The following NPLOC4 variants were observed in gnomAD, a reference collection of about 807,000 sequenced individuals.
NPLOC4 encodes the protein nuclear protein localization protein 4 homolog.
A neutral mutation model predicts 80.6 loss-of-function variants in NPLOC4; 18 were observed. That is an observed-to-expected ratio of 0.22 (90% CI 0.15 to 0.33). NPLOC4 has a LOEUF of 0.33. NPLOC4 is among the 10% of genes least tolerant of loss of function. The pLI, the probability that NPLOC4 is intolerant of heterozygous loss-of-function variation, is 1.00. For synonymous variants in NPLOC4, 313 were observed against 301.5 expected (o/e 1.04, Z -0.39); for missense variants, 540 against 786.1 (o/e 0.69, Z 3.74).
At chr17:81,584,185 A>G (rs1156994892) in intron 12 of NPLOC4, among the ~76,000 whole-genome samples, 1 of 152,194 alleles carries the variant, frequency 6.6e-6, no homozygotes, top group African/African-American at 2.4e-5. Flanking sequence ...GATGACTTCA[A>G]TGTTTGCTTT....
chr17:81,598,647 T>C (rs2034984520), intron 9 of NPLOC4, among the ~76,000 whole-genome samples: 1 of 152,192 alleles, frequency 6.6e-6, no homozygotes, highest in South Asian at 2.1e-4. Context: ...AGTGTAGCAG[T>C]GCCTGTGTGC....
At chr17:81,600,311 C>T (rs759122925) in intron 9 of NPLOC4, 30 bp downstream of exon 9, 140 of 1,556,682 alleles carry the variant, frequency 9.0e-5, no homozygotes, top group Non-Finnish European at 1.1e-4. Flanking sequence ...CTGGCCACGC[C>T]CCCTGCTTGG....
chr17:81,616,513 G>A (rs1272755214), intron 3 of NPLOC4, among the ~76,000 whole-genome samples: 4 of 151,696 alleles, frequency 2.6e-5, no homozygotes, highest in Admixed American at 6.6e-5. Context: ...GGAGGATCAT[G>A]AGGTCAGGAG....
At chr17:81,630,393 TCCTCTGACCTCAG>T (rs1489321546) in intron 1 of NPLOC4, among the ~76,000 whole-genome samples, 7 of 152,018 alleles carry the variant, frequency 4.6e-5, no homozygotes, top group African/African-American at 1.7e-4. Flanking sequence ...GTTCAAGTGA[TCCTCTGACCTCAG>T]CCTCCCGAGA....
At chr17:81,596,975 T>C (rs937643036) in intron 10 of NPLOC4, among the ~76,000 whole-genome samples, 2 of 152,062 alleles carry the variant, frequency 1.3e-5, no homozygotes, top group Admixed American at 6.5e-5. Context: ...TAGCTGGGCA[T>C]GGTGGCAGGC....
At chr17:81,596,276 A>G in intron 10 of NPLOC4, 34 bp from the exon 11 acceptor site, 26 of 1,590,034 alleles carry the variant, frequency 1.6e-5, no homozygotes, top group Non-Finnish European at 2.2e-5. Context: ...CAAATTTTAC[A>G]GCATCATGCC....
At chr17:81,586,090 G>A (rs2144125194) in intron 12 of NPLOC4, among the ~76,000 whole-genome samples, 1 of 152,336 alleles carries the variant, frequency 6.6e-6, no homozygotes, top group Middle Eastern at 3.4e-3. Flanking sequence ...TTCGAGACCA[G>A]CCTGCCCAAC....
At chr17:81,624,042 C>T (rs1337470845) in intron 2 of NPLOC4, among the ~76,000 whole-genome samples, 2 of 151,960 alleles carry the variant, frequency 1.3e-5, no homozygotes, top group African/African-American at 4.8e-5. Flanking sequence ...CCCAGCACTT[C>T]GGGAGGCCAA....
intron 11 of NPLOC4, among the ~76,000 whole-genome samples, chr17:81,593,310 C>T (rs958672842): frequency 1.3e-5 from 2 of 152,084 alleles, no homozygotes; most frequent in Admixed American, 6.6e-5. Flanking sequence ...ATGTTGCTGA[C>T]GGCAAGGCCA....
chr17:81,559,715 G>C (rs562192160), intron 16 of NPLOC4, among the ~76,000 whole-genome samples: 1 of 149,898 alleles, frequency 6.7e-6, no homozygotes, highest in African/African-American at 2.5e-5. Flanking sequence ...TGTGCATTTG[G>C]GTTGTTTCCA....
intron 3 of NPLOC4, among the ~76,000 whole-genome samples, chr17:81,616,333 A>AAAAAGAAAGAAAC (rs1555686399): frequency 1.7e-5 from 2 of 115,616 alleles, no homozygotes; most frequent in East Asian, 5.3e-4. Context: ...AAAAAAAAAA[A>AAAAAGAAAGAAAC]AAAAAGAAAA....
chr17:81,627,750 A>G (rs2035832488), intron 2 of NPLOC4, among the ~76,000 whole-genome samples: 1 of 152,082 alleles, frequency 6.6e-6, no homozygotes, highest in South Asian at 2.1e-4. Flanking sequence ...CCTGGGCAAC[A>G]AGAGCGAAAC....
At position 81,613,370 on chromosome 17, in the gene NPLOC4, G is replaced by T. The variant is rs2035394140; in HGVS notation, c.334C>A (p.Gln112Lys). The T allele has an allele frequency of 2.5e-6, 4 of 1,613,826 alleles. No homozygotes were observed. Among genetic ancestry groups the T allele is most frequent in the Non-Finnish European group, 3.4e-6 (4 of 1,179,886 alleles). The change falls in exon 4 of 17, where the codon CAG becomes AAG. Residue 112 changes from glutamine (Q) to lysine (K), a missense_variant. Coordinates refer to ENST00000331134, the MANE Select transcript of NPLOC4 (RefSeq NM_017921.4). The stretch of plus-strand genomic sequence containing the variant: ...TTCCCGTCCTGTTTGCTGAGGTACT[G>T]ATCAATCTCATCCTCCACCACGTTG... ...APNVVEDEID[Q>K]YLSKQDGKIY...
rs1272821652 is a variant in NPLOC4 at position 81,569,037 on chromosome 17, C to G, written c.1428G>C (p.Arg476=). Residue 476 remains arginine, a synonymous_variant, in exon 14 of 17, where the codon CGG becomes CGC. Coordinates refer to ENST00000331134, the MANE Select transcript of NPLOC4 (RefSeq NM_017921.4). ...ISQNPFPIEN[R]DVLGETQDFH... ...TCACCTGTGTCTCACCCAATACATC[C>G]CGGTTTTCAATAGGAAATGGATTTT... 1 of 1,610,658 alleles carries G rather than the reference C, an allele frequency of 6.2e-7. No homozygotes were observed. Among genetic ancestry groups the G allele is most frequent in the African/African-American group, 1.3e-5 (1 of 74,818 alleles).
intron 12 of NPLOC4, among the ~76,000 whole-genome samples, chr17:81,579,135 G>A (rs1161878271): frequency 6.6e-6 from 1 of 152,210 alleles, no homozygotes; most frequent in African/African-American, 2.4e-5. Context: ...AGCACTTTGG[G>A]AGGCAAGGCA....
chr17:81,561,491 A>T (rs1234502506), intron 16 of NPLOC4, among the ~76,000 whole-genome samples: 1 of 152,190 alleles, frequency 6.6e-6, no homozygotes, highest in Non-Finnish European at 1.5e-5. Context: ...TTTTTATGCC[A>T]GTGTTTTTCT....
intron 6 of NPLOC4, 28 bp from the exon 7 acceptor site, chr17:81,606,842 T>C (rs377378349): frequency 8.5e-7 from 1 of 1,181,440 alleles, no homozygotes; most frequent in South Asian, 1.3e-5. Flanking sequence ...AACTTAAACA[T>C]CACATTGGTG....
intron 9 of NPLOC4, 150 bp from the exon 10 acceptor site, chr17:81,597,466 C>A: frequency 1.6e-6 from 1 of 613,824 alleles, no homozygotes; most frequent in Non-Finnish European, 2.9e-6. Context: ...CTGGCCAATA[C>A]AGTGAAACCC....
Position 81,637,013 on chromosome 17 carries a change from T to TCAGCCC in NPLOC4, c.-89_-84dup. On this transcript the variant is annotated 5_prime_UTR_variant, in exon 1 of 17. Transcript: ENST00000331134. The stretch of plus-strand genomic sequence containing the variant: ...GGGCCTCGCAGACCCGGCCGCGGCC[T>TCAGCCC]CAGCCCCGGCCCCGGCCTCCCTACG... The TCAGCCC allele has an allele frequency of 1.1e-6, 1 of 928,602 alleles. No homozygotes were observed. The highest frequency in any genetic ancestry group is 3.9e-5 in the East Asian group (1 of 25,888). 57.5% of individuals were successfully genotyped at this position (928,602 alleles called of 1,614,324 possible).
Sources: gnomAD v4.1 joint callset for allele counts (sites outside exome capture counted in the v4.1 genomes callset) on GRCh38, gnomAD v4.1.1 for gene constraint, MANE v1.5 for transcripts, NCBI Gene and HGNC (gene_info 2026-07-23, HGNC 2026-07-21) for gene names.